Variants in TRIM33 observed in about 807,000 individuals in gnomAD.
The protein encoded by TRIM33 is E3 ubiquitin-protein ligase TRIM33.
A neutral mutation model predicts 125.4 loss-of-function variants in TRIM33; 20 were observed. The observed-to-expected ratio is 0.16, with a 90% CI of 0.11 to 0.23. TRIM33 has a LOEUF of 0.23. TRIM33 is among the 10% of genes least tolerant of loss of function. The pLI is 1.00. For synonymous variants in TRIM33, 564 were observed against 513.9 expected, an observed-to-expected ratio of 1.10 and a Z score of -1.32; for missense variants, 920 against 1,411.4, an observed-to-expected ratio of 0.65 and a Z score of 5.58.
intron 1 of TRIM33, among the ~76,000 whole-genome samples, chr1:114,508,333 G>A (rs949804321): frequency 2.0e-5 from 3 of 152,014 alleles, no homozygotes; most frequent in Non-Finnish European, 2.9e-5. Flanking sequence ...CATAACCTCA[G>A]TCCCTCAGCC....
At position 114,510,792 on chromosome 1, in the gene TRIM33, C is replaced by T. The variant is rs934913895; in HGVS notation, c.285G>A (p.Ser95=). 6.6e-6 allele frequency: 10 copies of T among 1,518,964 alleles called. No individual in the cohort carries two copies. The highest frequency in any genetic ancestry group is 8.8e-6 in the Non-Finnish European group (10 of 1,139,264). 94.1% of individuals were successfully genotyped at this position (1,518,964 alleles called of 1,614,324 possible). A position where few individuals can be genotyped will look rare whatever the true frequency, so the allele number is the denominator to read the frequency against. The change falls in exon 1 of 20, where the codon TCG becomes TCA. Residue 95 remains serine, a synonymous_variant. Coordinates refer to ENST00000358465, the MANE Select transcript of TRIM33 (RefSeq NM_015906.4). ...CCGAGGCTGGAGCTGGAGCCGGCGT[C>T]GATACTGCGCCCCCGGCAACTCCAG... ...VGTGVAGGAV[S]TPAPAPASAP...
At chr1:114,434,676 T>C (rs1013780305) in intron 4 of TRIM33, among the ~76,000 whole-genome samples, 8 of 152,382 alleles carry the variant, frequency 5.2e-5, no homozygotes, top group African/African-American at 1.7e-4. Context: ...TTAGTTTTTT[T>C]CTATGTCCTT....
chr1:114,410,082 A>T (rs1652483557), intron 12 of TRIM33, 102 bp downstream of exon 12: 4 of 1,337,476 alleles, frequency 3.0e-6, no homozygotes, highest in Non-Finnish European at 4.2e-6. Flanking sequence ...CTTCAAGTAG[A>T]CCTCCTACTT....
intron 1 of TRIM33, among the ~76,000 whole-genome samples, chr1:114,487,458 T>C (rs1302324394): frequency 6.6e-6 from 1 of 150,800 alleles, no homozygotes; most frequent in African/African-American, 2.4e-5. Context: ...CAACTAAAGA[T>C]ATTCTCAGAT....
At chr1:114,444,222 G>C (rs143132292) in intron 4 of TRIM33, among the ~76,000 whole-genome samples, 53 of 152,286 alleles carry the variant, frequency 3.5e-4, no homozygotes, top group African/African-American at 1.3e-3. Flanking sequence ...TGAGAATGGG[G>C]AACAGAGGGT....
chr1:114,429,425 T>C (rs1353469073), intron 6 of TRIM33, among the ~76,000 whole-genome samples: 1 of 151,816 alleles, frequency 6.6e-6, no homozygotes, highest in Non-Finnish European at 1.5e-5. Flanking sequence ...ACTCCTGACC[T>C]TGTGATCCAC....
At position 114,510,990 on chromosome 1, in the gene TRIM33, G is replaced by A; in HGVS notation, c.87C>T (p.Pro29=). ...GAGGCGGCTCCGCCTCCTGCGCGGCGGGCCCGGCGGCCCCGGCAGTTACCG... is the reference window on the plus strand; with the variant it reads ...GAGGCGGCTCCGCCTCCTGCGCGGCAGGCCCGGCGGCCCCGGCAGTTACCG... ...SAPVTAGAAG[P]AAQEAEPPLT... is the part of the protein sequence containing the mutation. Residue 29 remains proline (P), a synonymous_variant, in exon 1 of 20, where the codon CCC becomes CCT. Transcript: ENST00000358465. 7.5e-7 allele frequency: 1 copy of A among 1,335,926 alleles called. No homozygotes were observed. The highest frequency in any genetic ancestry group is 9.6e-7 in the Non-Finnish European group (1 of 1,045,230). 82.8% of individuals were successfully genotyped at this position (1,335,926 alleles called of 1,614,324 possible).
chr1:114,424,549 T>G, intron 10 of TRIM33, 42 bp downstream of exon 10: 1 of 1,462,456 alleles, frequency 6.8e-7, no homozygotes, highest in Non-Finnish European at 9.1e-7. Context: ...GTCTTTTAAT[T>G]TTAAAATTGT....
chr1:114,457,327 T>G (rs1649684267), intron 4 of TRIM33, among the ~76,000 whole-genome samples: 1 of 152,046 alleles, frequency 6.6e-6, no homozygotes, highest in Non-Finnish European at 1.5e-5. Flanking sequence ...ACCCTATGAG[T>G]GCCACCCAGC....
chr1:114,493,627 A>G (rs1187914706), intron 1 of TRIM33, among the ~76,000 whole-genome samples: 1 of 152,106 alleles, frequency 6.6e-6, no homozygotes, highest in Non-Finnish European at 1.5e-5. Context: ...GGTGTGAAGT[A>G]GGGGTATGAC....
Position 114,511,033 on chromosome 1 carries a change from C to G in TRIM33, c.44G>C (p.Gly15Ala). 7.6e-7 allele frequency: 1 copy of G among 1,319,186 alleles called. No homozygotes were observed. The highest frequency in any genetic ancestry group is 1.8e-5 in the South Asian group (1 of 54,856). The allele number at this position is 1,319,186 out of a possible 1,614,324, so 81.7% of individuals were successfully genotyped here. Residue 15 changes from glycine (G) to alanine (A), a missense_variant, in exon 1 of 20, where the codon GGG (glycine) becomes GCG (alanine). By Grantham distance (60) the Gly-to-Ala change is moderately conservative (BLOSUM62 0). This residue lies in a region of TRIM33 where 233 missense variants were observed against 189.6 expected (regional missense o/e 1.23). Coordinates refer to ENST00000358465, the MANE Select transcript of TRIM33 (RefSeq NM_015906.4). ...AGTTACCGGCGCGCTGCCGCTGCCC[C>G]CGCCGCCGCTCTCAGCCTCGCCGCC... Reference protein sequence around the residue: ...KGGGEAESGGGGSGSAPVTAG... With the variant: ...KGGGEAESGGAGSGSAPVTAG...
At chr1:114,420,429 T>A in intron 11 of TRIM33, 1 of 1,335,096 alleles carries the variant, frequency 7.5e-7, no homozygotes, top group Non-Finnish European at 9.9e-7. Flanking sequence ...ATACCAGGAG[T>A]GCATCATCGG....
At chr1:114,420,230 C>G in intron 11 of TRIM33, 1 of 390,634 alleles carries the variant, frequency 2.6e-6, no homozygotes, top group East Asian at 6.2e-5. Context: ...CTCAAAGGTC[C>G]TTCACATTCC....
At chr1:114,407,968 G>C (rs1010494751) in intron 13 of TRIM33, among the ~76,000 whole-genome samples, 1 of 152,022 alleles carries the variant, frequency 6.6e-6, no homozygotes, top group East Asian at 1.9e-4. Context: ...AAAAATAATA[G>C]AGCTAAACAA....
At chr1:114,452,236 C>A (rs1186392432) in intron 4 of TRIM33, among the ~76,000 whole-genome samples, 1 of 151,932 alleles carries the variant, frequency 6.6e-6, no homozygotes, top group Non-Finnish European at 1.5e-5. Context: ...CACTGGTGGG[C>A]GGATCACGAG....
intron 4 of TRIM33, among the ~76,000 whole-genome samples, chr1:114,448,638 G>A (rs1046292432): frequency 2.0e-5 from 3 of 152,142 alleles, no homozygotes; most frequent in African/African-American, 7.2e-5. Flanking sequence ...CTAAATGCAA[G>A]GGAGTGATTA....
intron 1 of TRIM33, among the ~76,000 whole-genome samples, chr1:114,466,088 C>A (rs1363379437): frequency 6.6e-6 from 1 of 150,808 alleles, no homozygotes; most frequent in East Asian, 1.9e-4. Context: ...AGGAAACACA[C>A]AAAAACAATT....
intron 8 of TRIM33, among the ~76,000 whole-genome samples, chr1:114,426,626 T>C (rs1647604026): frequency 6.6e-6 from 1 of 152,068 alleles, no homozygotes; most frequent in African/African-American, 2.4e-5. Context: ...CTCTAATTGC[T>C]AGGAAGTTTG....
intron 13 of TRIM33, among the ~76,000 whole-genome samples, chr1:114,407,390 T>C (rs1652316345): frequency 6.6e-6 from 1 of 152,066 alleles, no homozygotes; most frequent in East Asian, 1.9e-4. Flanking sequence ...CTTAGCTCTG[T>C]CCACTGAAAA....
Sources: gnomAD v4.1 joint callset for allele counts (sites outside exome capture counted in the v4.1 genomes callset) on GRCh38, gnomAD v4.1.1 for gene constraint, gnomAD v4.1.1 regional missense constraint, MANE v1.5 for transcripts, NCBI Gene and HGNC (gene_info 2026-07-23, HGNC 2026-07-21) for gene names.